Variants in GPATCH8 observed in about 807,000 individuals in gnomAD.
GPATCH8 encodes the protein G patch domain-containing protein 8.
A neutral mutation model predicts 118.3 loss-of-function variants in GPATCH8; 18 were observed. That is an observed-to-expected ratio of 0.15 (90% CI 0.11 to 0.23). The LOEUF (loss-of-function observed/expected upper bound fraction) is 0.23, where lower values mean the gene tolerates loss of function less well. Among genes scored for constraint, GPATCH8 ranks in the 10% least tolerant of loss-of-function variants. The pLI is 1.00. For synonymous variants in GPATCH8, 659 were observed against 684.7 expected, an observed-to-expected ratio of 0.96 and a Z score of 0.59; for missense variants, 1,631 against 1,873.8, an observed-to-expected ratio of 0.87 and a Z score of 2.39.
chr17:44,470,800 G>A (rs1463082598), intron 2 of GPATCH8, among the ~76,000 whole-genome samples: 3 of 152,170 alleles, frequency 2.0e-5, no homozygotes, highest in African/African-American at 4.8e-5. Context: ...GAGCCCCTGC[G>A]CCCAATTCCT....
chr17:44,474,996 C>T (rs1409762466), intron 1 of GPATCH8, 93 bp from the exon 2 acceptor site: 52 of 626,720 alleles, frequency 8.3e-5, no homozygotes, highest in South Asian at 3.4e-4. Context: ...TTTAACTTTT[C>T]TTTTTTTTTT....
chr17:44,498,773 C>T (rs1217763952), intron 1 of GPATCH8, among the ~76,000 whole-genome samples: 2 of 152,134 alleles, frequency 1.3e-5, no homozygotes, highest in African/African-American at 2.4e-5. Flanking sequence ...GGGAGCGAGA[C>T]ATAGGAAAAA....
chr17:44,475,796 C>G lies in GPATCH8; in HGVS notation c.46-893G>C, dbSNP rs146380454. ...ATCCCAGCACTTTGGGAGGCTGAGG[C>G]GGGAAGATCACTTGAGGACAAGAGT... On this transcript the variant is annotated intron_variant, in intron 1 of 7. Coordinates refer to ENST00000591680, the MANE Select transcript of GPATCH8 (RefSeq NM_001002909.4). Among the ~76,000 whole-genome samples the G allele has an allele frequency of 6.0e-4, 91 of 152,168 alleles. No individual in the cohort carries two copies. In the East Asian group the frequency reaches 0.013, roughly 22 times the overall value.
chr17:44,406,610 T>C (rs2143710166), intron 6 of GPATCH8, among the ~76,000 whole-genome samples: 1 of 150,972 alleles, frequency 6.6e-6, no homozygotes, highest in South Asian at 2.1e-4. Context: ...AACTATTAAA[T>C]AAACCCAAGA....
intron 1 of GPATCH8, among the ~76,000 whole-genome samples, chr17:44,476,546 T>C (rs1967800909): frequency 6.6e-6 from 1 of 152,190 alleles, no homozygotes; most frequent in African/African-American, 2.4e-5. Context: ...AAATCTTTAA[T>C]AATGAAGAAA....
intron 3 of GPATCH8, among the ~76,000 whole-genome samples, chr17:44,448,055 T>C (rs2050953641): frequency 6.6e-6 from 1 of 152,104 alleles, no homozygotes; most frequent in African/African-American, 2.4e-5. Flanking sequence ...GCGATTCTCC[T>C]ATCTCAGCCT....
At chr17:44,411,309 T>C (rs1233084632) in intron 6 of GPATCH8, among the ~76,000 whole-genome samples, 1 of 152,166 alleles carries the variant, frequency 6.6e-6, no homozygotes, top group Non-Finnish European at 1.5e-5. Flanking sequence ...TGTGATTGAG[T>C]TGAGTAAGAC....
At chr17:44,453,500 GGTGTGTGTGTGTGTGT>G (rs56962134) in intron 3 of GPATCH8, among the ~76,000 whole-genome samples, 1 of 142,702 alleles carries the variant, frequency 7.0e-6, no homozygotes, top group Non-Finnish European at 1.5e-5. Context: ...GGTAGGTAGG[GGTGTGTGTGTGTGTGT>G]GTGTGTGTGT....
intron 6 of GPATCH8, among the ~76,000 whole-genome samples, chr17:44,420,483 T>C (rs1472389708): frequency 6.6e-6 from 1 of 152,192 alleles, no homozygotes; most frequent in Non-Finnish European, 1.5e-5. Flanking sequence ...TTACCAGCAT[T>C]GCTGGCCTCA....
intron 1 of GPATCH8, among the ~76,000 whole-genome samples, chr17:44,491,272 C>CCT: frequency 6.6e-6 from 1 of 152,228 alleles, no homozygotes; most frequent in Non-Finnish European, 1.5e-5. Context: ...AGGTGGATCA[C>CCT]AAGGTCAGGA....
intron 5 of GPATCH8, among the ~76,000 whole-genome samples, chr17:44,431,378 G>GAA (rs776468380): frequency 0.011 from 530 of 47,722 alleles, 2 homozygotes; most frequent in African/African-American, 0.028. Context: ...TCTCAAAAAG[G>GAA]AAAAAAAAAA....
At chr17:44,487,267 C>T (rs2144445581) in intron 1 of GPATCH8, among the ~76,000 whole-genome samples, 1 of 152,168 alleles carries the variant, frequency 6.6e-6, no homozygotes, top group East Asian at 1.9e-4. Flanking sequence ...TAGCCTTTTC[C>T]AATTGGCTTC....
chr17:44,414,055 A>G (rs1036952137), intron 6 of GPATCH8, among the ~76,000 whole-genome samples: 2 of 102,144 alleles, frequency 2.0e-5, no homozygotes, highest in Admixed American at 1.1e-4. Flanking sequence ...GCCTGCTTTA[A>G]GGCATATATA....
intron 5 of GPATCH8, among the ~76,000 whole-genome samples, chr17:44,424,731 T>G (rs1039362002): frequency 6.6e-6 from 1 of 152,184 alleles, no homozygotes; most frequent in Non-Finnish European, 1.5e-5. Context: ...GCTCAACTGA[T>G]AAGTATAATG....
chr17:44,435,174 AGATTT>A, intron 4 of GPATCH8, 23 bp from the exon 5 acceptor site: 1 of 1,072,422 alleles, frequency 9.3e-7, no homozygotes, highest in Non-Finnish European at 1.5e-6. Context: ...AGATATGATT[AGATTT>A]AATTCCTAAA....
chr17:44,448,878 G>C (rs986504157), intron 3 of GPATCH8, among the ~76,000 whole-genome samples: 3 of 151,712 alleles, frequency 2.0e-5, no homozygotes, highest in African/African-American at 7.3e-5. Context: ...TATAATGAAG[G>C]TAATTTTCTT....
In GPATCH8 at chr17:44,491,139, T is replaced by C. The variant is rs560771989; in HGVS notation, c.45+12187A>G. ...TATAATCTCAAAAAGCAAAACACAA[T>C]ACGAAACTCTAGAGAGATGTTCTTA... On this transcript the variant is annotated intron_variant, in intron 1 of 7. Coordinates refer to ENST00000591680, the MANE Select transcript of GPATCH8 (RefSeq NM_001002909.4). 2.0e-5 allele frequency among the ~76,000 whole-genome samples: 3 copies of C among 152,170 alleles called. No individual in the cohort carries two copies. The East Asian group carries it at 5.8e-4, about 29-fold the overall frequency.
chr17:44,448,819 C>A (rs1378299707), intron 3 of GPATCH8, among the ~76,000 whole-genome samples: 2 of 150,566 alleles, frequency 1.3e-5, no homozygotes, highest in Admixed American at 6.6e-5. Flanking sequence ...TTAGTGTAAC[C>A]AATACATTTT....
chr17:44,421,264 C>G (rs1354679995), intron 6 of GPATCH8, among the ~76,000 whole-genome samples: 2 of 152,008 alleles, frequency 1.3e-5, no homozygotes, highest in Admixed American at 6.5e-5. Flanking sequence ...TCGCTTGAAC[C>G]CAGGAGGCGG....
Sources: allele counts gnomAD v4.1 joint callset (sites outside exome capture counted in the v4.1 genomes callset), GRCh38; gene constraint gnomAD v4.1.1; transcripts MANE v1.5; gene names NCBI Gene and HGNC (gene_info 2026-07-23, HGNC 2026-07-21).